The following PGGT1B variants were observed in gnomAD, a reference collection of about 807,000 sequenced individuals.
The protein encoded by PGGT1B is geranylgeranyl transferase type-1 subunit beta.
Under a neutral mutation model 46.1 loss-of-function variants are expected in PGGT1B, and 30 were observed. That is an observed-to-expected ratio of 0.65 (90% CI 0.49 to 0.88). The LOEUF is 0.88. Among genes scored for constraint, PGGT1B ranks in the 40% least tolerant of loss-of-function variants. The probability of loss-of-function intolerance (pLI) is 0.00; values close to 1 mark genes in which losing one functional copy is unlikely to be tolerated. For missense variants in PGGT1B, 376 were observed against 455.9 expected, an observed-to-expected ratio of 0.82 and a Z score of 1.60; for synonymous variants, 170 against 160.0, an observed-to-expected ratio of 1.06 and a Z score of -0.47.
At chr5:115,216,819 T>C in intron 8 of PGGT1B, 46 bp downstream of exon 8, 2 of 905,928 alleles carry the variant, frequency 2.2e-6, no homozygotes, top group Non-Finnish European at 3.6e-6. Context: ...CTTGAAGATC[T>C]ATTCAGGAAA....
rs1438924015 is a variant in PGGT1B at position 115,236,540 on chromosome 5, A to G, written c.480-18T>C. 6.7e-7 allele frequency: 1 copy of G among 1,501,016 alleles called. No individual in the cohort carries two copies. The highest frequency in any genetic ancestry group is 2.6e-5 in the East Asian group (1 of 38,148). The allele number at this position is 1,501,016 out of a possible 1,614,324, so 93.0% of individuals were successfully genotyped here. On this transcript the variant is annotated intron_variant, in intron 4 of 8. Transcript: ENST00000419445. Reference sequence around the variant, plus strand: ...CACAAAAACTGAAAATAATAACAACAATATGATTTTCTATTAACACTGGAC... The same window carrying G: ...CACAAAAACTGAAAATAATAACAACGATATGATTTTCTATTAACACTGGAC...
At chr5:115,219,015 A>G (rs1270677978) in intron 7 of PGGT1B, among the ~76,000 whole-genome samples, 2 of 151,946 alleles carry the variant, frequency 1.3e-5, no homozygotes, top group African/African-American at 2.4e-5. Flanking sequence ...CAGTGTCAAG[A>G]TATCACTACT....
At chr5:115,247,989 T>A (rs1747925542) in intron 2 of PGGT1B, among the ~76,000 whole-genome samples, 1 of 152,200 alleles carries the variant, frequency 6.6e-6, no homozygotes, top group South Asian at 2.1e-4. Flanking sequence ...ATTTTTAAAA[T>A]ATGCAACACG....
intron 5 of PGGT1B, among the ~76,000 whole-genome samples, chr5:115,231,953 CT>C (rs1756998869): frequency 6.6e-6 from 1 of 152,004 alleles, no homozygotes; most frequent in Non-Finnish European, 1.5e-5. Flanking sequence ...ATCATACCAC[CT>C]TTTTCAAAGT....
chr5:115,236,712 T>C (rs892338337), intron 4 of PGGT1B, among the ~76,000 whole-genome samples, 190 bp from the exon 5 acceptor site: 1 of 152,114 alleles, frequency 6.6e-6, no homozygotes, highest in African/African-American at 2.4e-5. Flanking sequence ...AATATAAAAC[T>C]TTCTCTAAAT....
At chr5:115,245,919 C>G (rs1459669540) in intron 2 of PGGT1B, among the ~76,000 whole-genome samples, 1 of 152,070 alleles carries the variant, frequency 6.6e-6, no homozygotes, top group African/African-American at 2.4e-5. Context: ...TCTCCTGTTT[C>G]TTATGAAAAG....
intron 6 of PGGT1B, among the ~76,000 whole-genome samples, chr5:115,225,766 C>T (rs1335988658): frequency 9.2e-5 from 14 of 151,734 alleles, no homozygotes; most frequent in African/African-American, 3.4e-4. Flanking sequence ...GTGCCTCTGC[C>T]TCCCGAGTAG....
chr5:115,247,918 T>A (rs1747922988), intron 2 of PGGT1B, among the ~76,000 whole-genome samples: 1 of 152,158 alleles, frequency 6.6e-6, no homozygotes, highest in Non-Finnish European at 1.5e-5. Context: ...AAATGAACAT[T>A]GTAAAACCAT....
At chr5:115,261,349 T>G (rs2127039462) in intron 1 of PGGT1B, among the ~76,000 whole-genome samples, 1 of 152,352 alleles carries the variant, frequency 6.6e-6, no homozygotes, top group African/African-American at 2.4e-5. Flanking sequence ...CAGCTCACAT[T>G]ATTCAACAAA....
intron 3 of PGGT1B, among the ~76,000 whole-genome samples, chr5:115,239,855 G>T (rs1757298107): frequency 6.6e-6 from 1 of 152,186 alleles, no homozygotes; most frequent in Admixed American, 6.5e-5. Flanking sequence ...AATAGTGGGA[G>T]GATCCATCAG....
intron 2 of PGGT1B, among the ~76,000 whole-genome samples, chr5:115,248,565 C>T (rs1486351841): frequency 6.6e-6 from 1 of 152,208 alleles, no homozygotes; most frequent in Non-Finnish European, 1.5e-5. Flanking sequence ...CCCGATCCTC[C>T]AGTGGTCTCA....
rs1167955842 is a variant in PGGT1B, at chr5:115,208,178, C to T, written c.*4224G>A. 6.6e-6 allele frequency: 1 copy of T among 151,630 alleles called. No individual in the cohort carries two copies. Among genetic ancestry groups the T allele is most frequent in the African/African-American group, 2.4e-5 (1 of 41,276 alleles). 9.4% of individuals were successfully genotyped at this position (151,630 alleles called of 1,614,324 possible). A position where few individuals can be genotyped will look rare whatever the true frequency, so the allele number is the denominator to read the frequency against. On this transcript the variant is annotated 3_prime_UTR_variant, in exon 9 of 9. Transcript: ENST00000419445. ...ATTGCTCTATATTTTCTTTTTGGTA[C>T]CATCTTTGTCAGGTTTTTGAATCAA...
chr5:115,226,422 G>A (rs1269627205), intron 6 of PGGT1B, among the ~76,000 whole-genome samples: 4 of 152,030 alleles, frequency 2.6e-5, no homozygotes, highest in Admixed American at 6.6e-5. Flanking sequence ...GAATCATGGG[G>A]ATAAAGAGAA....
At position 115,217,313 on chromosome 5, in the gene PGGT1B, CTTAT is replaced by C. The variant is rs1200804400; in HGVS notation, c.844-344_844-341del. On this transcript the variant is annotated intron_variant, in intron 7 of 8. Transcript: ENST00000419445. ...AATTTTATCTACCCATATTTTAACT[CTTAT>C]GATAAGCTCTTGAGCTATTAGTTAT... 5.5e-4 allele frequency among the ~76,000 whole-genome samples: 73 copies of C among 132,616 alleles called. 1 individual carries two copies. The highest frequency in any genetic ancestry group is 1.0e-3 in the Non-Finnish European group (62 of 59,924). The allele number at this position is 132,616 out of a possible 152,430, so 87.0% of individuals were successfully genotyped here. A position where few individuals can be genotyped will look rare whatever the true frequency, so the allele number is the denominator to read the frequency against.
Position 115,238,248 on chromosome 5 carries a change from T to C in PGGT1B, c.328-239A>G, listed in dbSNP as rs186615817. 1.9e-3 allele frequency among the ~76,000 whole-genome samples: 287 copies of C among 151,246 alleles called. 3 individuals carry two copies. The highest frequency in any genetic ancestry group is 3.6e-3 in the Admixed American group (55 of 15,140). On this transcript the variant is annotated intron_variant, in intron 3 of 8. Coordinates refer to ENST00000419445, the MANE Select transcript of PGGT1B (RefSeq NM_005023.4). ...ACCTCAGGCATTATGGAAGTAGTTA[T>C]GATATTCAGGTAAAGCAAATTATGT...
intron 2 of PGGT1B, among the ~76,000 whole-genome samples, chr5:115,246,573 G>A (rs1419223192): frequency 6.6e-6 from 1 of 152,106 alleles, no homozygotes; most frequent in African/African-American, 2.4e-5. Context: ...TTATCAAACA[G>A]CACCATCTAG....
chr5:115,228,069 C>T (rs934299069), intron 6 of PGGT1B, among the ~76,000 whole-genome samples: 3 of 152,146 alleles, frequency 2.0e-5, no homozygotes, highest in Non-Finnish European at 2.9e-5. Context: ...AATAAATCTA[C>T]GTTATTTCTG....
At position 115,237,952 on chromosome 5, in the gene PGGT1B, G is replaced by A. The variant is rs1757233525; in HGVS notation, c.385C>T (p.Leu129Phe). 6.2e-7 allele frequency: 1 copy of A among 1,612,494 alleles called. No individual in the cohort carries two copies. The highest frequency in any genetic ancestry group is 1.3e-5 in the African/African-American group (1 of 74,860). ...SGHIAMTYTG[L>F]SCLVILGDDL... ...TCTCCAAGAATAACTAAGCATGAGA[G>A]GCCAGTGTAGGTCATTGCAATGTGG... is the stretch of plus-strand genomic sequence containing the variant. The change falls in exon 4 of 9, where the codon CTC becomes TTC. Residue 129 changes from leucine (L) to phenylalanine (F), a missense_variant. Physicochemically the swap from Leu to Phe is conservative, Grantham distance 22 (BLOSUM62 0). Coordinates refer to ENST00000419445, the MANE Select transcript of PGGT1B (RefSeq NM_005023.4).
At chr5:115,250,382 G>C (rs75528304) in intron 2 of PGGT1B, among the ~76,000 whole-genome samples, 1,727 of 152,276 alleles carry the variant, frequency 0.011, 34 homozygotes, top group African/African-American at 0.04. Context: ...AGGGGCAGGT[G>C]ATTTAATAGT....
Sources: gnomAD v4.1 joint callset for allele counts (sites outside exome capture counted in the v4.1 genomes callset) on GRCh38, gnomAD v4.1.1 for gene constraint, MANE v1.5 for transcripts, NCBI Gene and HGNC (gene_info 2026-07-23, HGNC 2026-07-21) for gene names.